The following HDLBP variants were observed in gnomAD, a reference collection of about 807,000 sequenced individuals.
HDLBP encodes the protein vigilin.
In HDLBP, 30 loss-of-function variants were observed where a neutral mutation model predicts 137.3. The observed-to-expected ratio is 0.22, with a 90% CI of 0.16 to 0.30. HDLBP has a LOEUF of 0.30. HDLBP is among the 10% of genes least tolerant of loss of function. The pLI is 1.00. For synonymous variants in HDLBP, 606 were observed against 596.0 expected, an observed-to-expected ratio of 1.02 and a Z score of -0.24; for missense variants, 1,119 against 1,667.3, an observed-to-expected ratio of 0.67 and a Z score of 5.73.
intron 22 of HDLBP, 37 bp downstream of exon 22, chr2:241,235,453 C>G: frequency 6.5e-7 from 1 of 1,541,094 alleles, no homozygotes; most frequent in Non-Finnish European, 9.0e-7. Flanking sequence ...TGCGACAGGC[C>G]ACTCCTGTGA....
chr2:241,297,834 C>T (rs1425786510), intron 1 of HDLBP, among the ~76,000 whole-genome samples: 1 of 151,886 alleles, frequency 6.6e-6, no homozygotes, highest in African/African-American at 2.4e-5. Context: ...GGGTGGATCA[C>T]CTGAGGTCAG....
At chr2:241,259,639 C>T (rs761547027) in intron 5 of HDLBP, among the ~76,000 whole-genome samples, 1 of 152,148 alleles carries the variant, frequency 6.6e-6, no homozygotes, top group Admixed American at 6.5e-5. Context: ...CAGGTGAGCA[C>T]GCCACCACTA....
rs779996388 is a variant in HDLBP, at chr2:241,235,136, G to A, written c.3129C>T (p.Ala1043=). ...TCCTGCTCACCCGGTCCTCCTGCTC[G>A]GCCTGTAGCTCCTTCACACGCTCCA... ...GLLERVKELQ[A]EQEDRALRSF... is the part of the protein sequence containing the mutation. Residue 1043 remains alanine, a synonymous_variant, in exon 23 of 28, where the codon GCC becomes GCT. Transcript: ENST00000310931. The A allele has an allele frequency of 1.1e-5, 17 of 1,613,480 alleles. No individual in the cohort carries two copies. Among genetic ancestry groups the A allele is most frequent in the Non-Finnish European group, 1.4e-5 (16 of 1,179,972 alleles).
At chr2:241,290,063 G>A (rs2074960731) in intron 1 of HDLBP, among the ~76,000 whole-genome samples, 1 of 152,168 alleles carries the variant, frequency 6.6e-6, no homozygotes, top group South Asian at 2.1e-4. Context: ...AAGGTAGAAG[G>A]AAAGCCTCCA....
chr2:241,277,926 A>G (rs1329205845), intron 1 of HDLBP, among the ~76,000 whole-genome samples: 1 of 152,092 alleles, frequency 6.6e-6, no homozygotes, highest in Non-Finnish European at 1.5e-5. Flanking sequence ...ACGCCATTGC[A>G]CTCCAGTCTG....
intron 1 of HDLBP, among the ~76,000 whole-genome samples, chr2:241,297,192 G>C (rs1397476676): frequency 6.6e-6 from 1 of 152,246 alleles, no homozygotes; most frequent in Non-Finnish European, 1.5e-5. Flanking sequence ...CCCAAGTGGA[G>C]TGAGGAAGAT....
At chr2:241,278,053 C>T (rs1026374823) in intron 1 of HDLBP, among the ~76,000 whole-genome samples, 1 of 152,148 alleles carries the variant, frequency 6.6e-6, no homozygotes, top group South Asian at 2.1e-4. Context: ...AGATTATCTC[C>T]CACACAAAGC....
intron 12 of HDLBP, among the ~76,000 whole-genome samples, chr2:241,248,968 G>A (rs924467298): frequency 2.0e-5 from 3 of 152,064 alleles, no homozygotes; most frequent in Non-Finnish European, 4.4e-5. Flanking sequence ...TGGATCAAAC[G>A]GCTATTGGCT....
At chr2:241,280,634 G>A (rs952665832) in intron 1 of HDLBP, among the ~76,000 whole-genome samples, 19 of 152,108 alleles carry the variant, frequency 1.2e-4, no homozygotes, top group African/African-American at 4.1e-4. Context: ...GTCATTATAG[G>A]CACCTATAAT....
rs1374401753 is a variant in HDLBP at position 241,272,580 on chromosome 2, G to A, written c.-102-4039C>T. 4.1e-6 allele frequency: 4 copies of A among 984,126 alleles called. No individual in the cohort carries two copies. Among genetic ancestry groups the A allele is most frequent in the African/African-American group, 1.8e-5 (1 of 57,122 alleles). 61.0% of individuals were successfully genotyped at this position (984,126 alleles called of 1,614,324 possible). ...GTCTGGCCCGGAACCGCCACGCGCG[G>A]TAAGCAGGACACCCGCGGGCGGGGG... is the stretch of plus-strand genomic sequence containing the variant. On this transcript the variant is annotated intron_variant, in intron 1 of 27. Transcript: ENST00000310931. This position sits in a 1 kb window ranked among gnomAD's most constrained non-coding sequence, Gnocchi z 5.6.
Position 241,246,770 on chromosome 2 carries a change from C to G in HDLBP, c.1932G>C (p.Leu644=). 6.2e-7 allele frequency: 1 copy of G among 1,614,112 alleles called. No individual in the cohort carries two copies. The highest frequency in any genetic ancestry group is 8.5e-7 in the Non-Finnish European group (1 of 1,179,990). ...CCATTACCAGGTCTTTCTGAATAGACAGAATCCTGCTCCGGGCAGCTTCGC... is the reference window on the plus strand; with the variant it reads ...CCATTACCAGGTCTTTCTGAATAGAGAGAATCCTGCTCCGGGCAGCTTCGC... ...ANCEAARSRI[L]SIQKDLANIA... Residue 644 remains leucine (L), a synonymous_variant, in exon 16 of 28, where the codon CTG becomes CTC. Coordinates refer to ENST00000310931, the MANE Select transcript of HDLBP (RefSeq NM_005336.6).
chr2:241,245,013 TA>T (rs1463764554), intron 16 of HDLBP, among the ~76,000 whole-genome samples: 1 of 152,086 alleles, frequency 6.6e-6, no homozygotes, highest in Non-Finnish European at 1.5e-5. Flanking sequence ...AATTAACCAT[TA>T]AAAAACGATT....
intron 1 of HDLBP, among the ~76,000 whole-genome samples, chr2:241,309,147 A>G (rs953417337): frequency 1.3e-5 from 2 of 152,308 alleles, no homozygotes; most frequent in East Asian, 1.9e-4. Flanking sequence ...CACTATGCCA[A>G]ACTGCCACTG....
rs1260738222 is a variant in HDLBP at position 241,272,687 on chromosome 2, C to A, written c.-102-4146G>T. 4 of 737,764 alleles carry A rather than the reference C, an allele frequency of 5.4e-6. No homozygotes were observed. Among genetic ancestry groups the A allele is most frequent in the Admixed American group, 6.6e-5 (1 of 15,118 alleles). The allele number at this position is 737,764 out of a possible 1,614,324, so 45.7% of individuals were successfully genotyped here. ...CCTCCACGTCAGCAGCCACCCCCCA[C>A]CCCCCCGCCCGGCAGCCCGCCCGCC... On this transcript the variant is annotated intron_variant, in intron 1 of 27. Transcript: ENST00000310931. This position sits in a 1 kb window ranked among gnomAD's most constrained non-coding sequence, Gnocchi z 5.6.
intron 5 of HDLBP, among the ~76,000 whole-genome samples, chr2:241,260,607 C>T (rs1026270850): frequency 3.9e-5 from 6 of 152,164 alleles, no homozygotes; most frequent in African/African-American, 1.2e-4. Context: ...CAACCCTTAA[C>T]GAATTTGGGC....
Position 241,239,514 on chromosome 2 carries a change from C to CA in HDLBP, c.2610+87_2610+88insT. ...CAGGGCTGTATGAGGGAGTCACCTC[C>CA]CTACAGGGTGGAGCGAACACTCATA... On this transcript the variant is annotated intron_variant, in intron 19 of 27. Coordinates refer to ENST00000310931, the MANE Select transcript of HDLBP (RefSeq NM_005336.6). This position sits in a 1 kb window ranked among gnomAD's most constrained non-coding sequence, Gnocchi z 4.6. 1 of 1,087,302 alleles carries CA rather than the reference C, an allele frequency of 9.2e-7. No homozygotes were observed. 67.4% of individuals were successfully genotyped at this position (1,087,302 alleles called of 1,614,324 possible).
chr2:241,254,295 A>G (rs760071318), intron 9 of HDLBP, among the ~76,000 whole-genome samples: 3 of 152,132 alleles, frequency 2.0e-5, no homozygotes, highest in Non-Finnish European at 4.4e-5. Context: ...AAAAAATTTA[A>G]TTTTTAAAAA....
chr2:241,305,144 C>T (rs776168734), intron 1 of HDLBP, among the ~76,000 whole-genome samples: 2 of 152,154 alleles, frequency 1.3e-5, no homozygotes, highest in Non-Finnish European at 2.9e-5. Context: ...ATTTTTGAGA[C>T]GGAGTCTCGC....
intron 1 of HDLBP, among the ~76,000 whole-genome samples, chr2:241,283,379 T>G (rs80040829): frequency 0.033 from 5,072 of 152,242 alleles, 506 homozygotes; most frequent in Admixed American, 0.19. Flanking sequence ...AGGTCACTGA[T>G]GAAAGTAGCT....
Sources: allele counts gnomAD v4.1 joint callset (sites outside exome capture counted in the v4.1 genomes callset), GRCh38; gene constraint gnomAD v4.1.1; non-coding constraint Gnocchi (gnomAD v3.1); transcripts MANE v1.5; gene names NCBI Gene and HGNC (gene_info 2026-07-23, HGNC 2026-07-21).